Variants in DMXL2 observed in about 807,000 individuals in gnomAD.
DMXL2 encodes Dmx like 2.
Under a neutral mutation model 331.1 loss-of-function variants are expected in DMXL2, and 103 were observed. The ratio of observed to expected loss-of-function variants is 0.31; its 90% CI spans 0.27 to 0.37. DMXL2 has a LOEUF of 0.37. DMXL2 is among the 10% of genes least tolerant of loss of function. The pLI, the probability that DMXL2 is intolerant of heterozygous loss-of-function variation, is 1.00. For missense variants in DMXL2, 3,171 were observed against 3,642.9 expected, an observed-to-expected ratio of 0.87 and a Z score of 3.33; for synonymous variants, 1,281 against 1,252.1, an observed-to-expected ratio of 1.02 and a Z score of -0.49.
chr15:51,506,887 C>G (rs2046435928), intron 16 of DMXL2, among the ~76,000 whole-genome samples: 1 of 151,978 alleles, frequency 6.6e-6, no homozygotes, highest in Middle Eastern at 3.2e-3. Flanking sequence ...TAAATATTCA[C>G]TGAAAAAAAT....
Position 51,600,121 on chromosome 15 carries a change from G to A in DMXL2, c.87+22338C>T, listed in dbSNP as rs1044423160. 5.2e-4 allele frequency among the ~76,000 whole-genome samples: 79 copies of A among 152,132 alleles called. 2 individuals are homozygous for A. Among genetic ancestry groups the A allele is most frequent in the Admixed American group, 5.1e-3 (78 of 15,272 alleles). The stretch of plus-strand genomic sequence containing the variant: ...GTGTAGTGAATTCCTATAATTTTAG[G>A]TTGCCTTGGCATTCGTTTCAAGTAT... On this transcript the variant is annotated intron_variant, in intron 1 of 43. Transcript: ENST00000560891.
At chr15:51,603,781 T>C (rs2053390489) in intron 1 of DMXL2, 1 of 151,430 alleles carries the variant, frequency 6.6e-6, no homozygotes, top group African/African-American at 2.4e-5. Context: ...GGCAGGAGAA[T>C]GGCGCGAACC....
chr15:51,561,064 G>GT (rs1229497666), intron 6 of DMXL2, among the ~76,000 whole-genome samples: 8 of 151,982 alleles, frequency 5.3e-5, no homozygotes, highest in African/African-American at 1.7e-4. Flanking sequence ...TTACTTTGAA[G>GT]TTACATCTGA....
intron 1 of DMXL2, among the ~76,000 whole-genome samples, chr15:51,595,543 T>C (rs1486978496): frequency 2.0e-5 from 3 of 152,222 alleles, no homozygotes; most frequent in Non-Finnish European, 4.4e-5. Flanking sequence ...TACCAATGAC[T>C]TTCTTCACAG....
In DMXL2 at chr15:51,615,460, G is replaced by C. The variant is rs79153693; in HGVS notation, c.87+6999C>G. Among the ~76,000 whole-genome samples the C allele has an allele frequency of 2.6e-3, 394 of 152,294 alleles. 17 individuals carry two copies. The East Asian group carries it at 0.061, about 24-fold the overall frequency. On this transcript the variant is annotated intron_variant, in intron 1 of 43. Coordinates refer to ENST00000560891, the MANE Select transcript of DMXL2 (RefSeq NM_001378457.1). ...TTGGGCTTGGTAACTCTTCATTGTG[G>C]AGGACTATCCCGTGCACTGTAGGAC...
chr15:51,517,617 C>A (rs1425476337), intron 13 of DMXL2, among the ~76,000 whole-genome samples: 1 of 152,166 alleles, frequency 6.6e-6, no homozygotes, highest in African/African-American at 2.4e-5. Context: ...CCCCAAAATC[C>A]CAAAACTTTC....
At chr15:51,557,602 G>C (rs2049686093) in intron 6 of DMXL2, among the ~76,000 whole-genome samples, 1 of 152,068 alleles carries the variant, frequency 6.6e-6, no homozygotes, top group South Asian at 2.1e-4. Flanking sequence ...AACAAGAGGG[G>C]AGGACTTGCC....
chr15:51,471,002 A>G (rs551423319), intron 29 of DMXL2, among the ~76,000 whole-genome samples: 2 of 152,322 alleles, frequency 1.3e-5, no homozygotes, highest in African/African-American at 2.4e-5. Flanking sequence ...TAATTTATAC[A>G]TAACTCCCAT....
chr15:51,573,667 A>G (rs8039835), intron 2 of DMXL2, among the ~76,000 whole-genome samples: 75,925 of 151,576 alleles, frequency 0.5, 19,195 homozygotes, highest in Non-Finnish European at 0.52. Flanking sequence ...ACACTGGGGG[A>G]AACATCACAC....
chr15:51,582,723 T>A (rs2051524216), intron 1 of DMXL2, among the ~76,000 whole-genome samples: 1 of 152,098 alleles, frequency 6.6e-6, no homozygotes, highest in South Asian at 2.1e-4. Context: ...ATTTCACAAG[T>A]CACATATACA....
chr15:51,606,186 T>C (rs910129101), intron 1 of DMXL2, among the ~76,000 whole-genome samples: 10 of 152,100 alleles, frequency 6.6e-5, no homozygotes, highest in African/African-American at 1.2e-4. Flanking sequence ...AACACACTTA[T>C]AGAGATTTTG....
rs1173251319 is a variant in DMXL2, at chr15:51,447,923, G to A, written c.*1061C>T. On this transcript the variant is annotated 3_prime_UTR_variant, in exon 44 of 44. Transcript: ENST00000560891. ...AGGCATTGAACATTCTCATTAACAT[G>A]ATAAGACAATTTGCTGGTAAACATT... 6.6e-6 allele frequency: 1 copy of A among 152,534 alleles called. No homozygotes were observed. Among genetic ancestry groups the A allele is most frequent in the African/African-American group, 2.4e-5 (1 of 41,416 alleles). The allele number at this position is 152,534 out of a possible 1,614,324, so 9.4% of individuals were successfully genotyped here.
chr15:51,547,501 C>T (rs1033759773), intron 6 of DMXL2, 93 bp from the exon 7 acceptor site: 1 of 814,970 alleles, frequency 1.2e-6, no homozygotes, highest in Non-Finnish European at 1.8e-6. Context: ...TAAGTTACAT[C>T]TAAAAACTAA....
At chr15:51,613,202 A>G (rs943464609) in intron 1 of DMXL2, among the ~76,000 whole-genome samples, 1 of 152,212 alleles carries the variant, frequency 6.6e-6, no homozygotes, top group Non-Finnish European at 1.5e-5. Flanking sequence ...AGATGACGGG[A>G]TTAAGAGATT....
At chr15:51,582,394 A>G (rs1013109497) in intron 1 of DMXL2, among the ~76,000 whole-genome samples, 2 of 152,140 alleles carry the variant, frequency 1.3e-5, no homozygotes, top group African/African-American at 4.8e-5. Flanking sequence ...AATTGCATTT[A>G]AATTCTTCAC....
chr15:51,586,635 A>AAGTTTGTT (rs2051849797), intron 1 of DMXL2, among the ~76,000 whole-genome samples: 1 of 152,148 alleles, frequency 6.6e-6, no homozygotes, highest in South Asian at 2.1e-4. Flanking sequence ...GAGCTATAAC[A>AAGTTTGTT]AACTTCTAAG....
At chr15:51,510,235 G>C (rs916758688) in intron 15 of DMXL2, among the ~76,000 whole-genome samples, 2 of 152,078 alleles carry the variant, frequency 1.3e-5, no homozygotes, top group Admixed American at 6.5e-5. Context: ...AGCAATAAAG[G>C]GTATTCAAAT....
At chr15:51,502,192 C>T (rs111356767) in intron 17 of DMXL2, among the ~76,000 whole-genome samples, 1,849 of 148,158 alleles carry the variant, frequency 0.012, 40 homozygotes, top group African/African-American at 0.044. Flanking sequence ...AAGATAGCAC[C>T]ACTGCATTCC....
chr15:51,611,037 C>CA (rs1239981190), intron 1 of DMXL2, among the ~76,000 whole-genome samples: 102 of 151,214 alleles, frequency 6.7e-4, no homozygotes, highest in Non-Finnish European at 4.4e-5. Context: ...GGGAGAAAGA[C>CA]AAAAATGAGC....
Sources: gnomAD v4.1 joint callset for allele counts (sites outside exome capture counted in the v4.1 genomes callset) on GRCh38, gnomAD v4.1.1 for gene constraint, MANE v1.5 for transcripts, NCBI Gene and HGNC (gene_info 2026-07-23, HGNC 2026-07-21) for gene names.